Variants in PDE3B observed in about 807,000 individuals in gnomAD.
PDE3B encodes phosphodiesterase 3B.
Under a neutral mutation model 116.8 loss-of-function variants are expected in PDE3B, and 66 were observed. The ratio of observed to expected loss-of-function variants is 0.56; its 90% CI spans 0.46 to 0.69. The LOEUF is 0.69. Ranked by LOEUF, PDE3B falls within the 30% of genes least tolerant of loss-of-function variation. PDE3B has a pLI of 0.00. For synonymous variants in PDE3B, 595 were observed against 533.6 expected, an observed-to-expected ratio of 1.12 and a Z score of -1.59; for missense variants, 1,384 against 1,368.1, an observed-to-expected ratio of 1.01 and a Z score of -0.18.
At chr11:14,878,124 A>G in the PDE3B span, 3 of 1,612,954 alleles carry the variant, frequency 1.9e-6, no homozygotes, top group East Asian at 2.2e-5. Flanking sequence ...AGGCAGTTTC[A>G]GCGTCTTTCA....
chr11:14,768,277 A>G (rs1260999218), intron 1 of PDE3B, among the ~76,000 whole-genome samples: 1 of 151,574 alleles, frequency 6.6e-6, no homozygotes, highest in Non-Finnish European at 1.5e-5. Context: ...GACACCATCA[A>G]CCCACCATTA....
the PDE3B span, among the ~76,000 whole-genome samples, chr11:14,882,679 C>A: frequency 1.3e-5 from 2 of 152,054 alleles, no homozygotes; most frequent in African/African-American, 2.4e-5. Context: ...GAAGTTCTGG[C>A]CAGGGCAATT....
At chr11:14,805,768 A>G (rs1858898267) in intron 5 of PDE3B, among the ~76,000 whole-genome samples, 1 of 152,190 alleles carries the variant, frequency 6.6e-6, no homozygotes, top group African/African-American at 2.4e-5. Context: ...AACCAAAAGC[A>G]CTGGTAAGGC....
intron 1 of PDE3B, among the ~76,000 whole-genome samples, chr11:14,650,432 C>T (rs528837681): frequency 6.6e-6 from 1 of 152,262 alleles, no homozygotes; most frequent in African/African-American, 2.4e-5. Flanking sequence ...GTCTCAAACT[C>T]CTGGGCTCTA....
At chr11:14,780,972 T>C (rs141138479) in intron 2 of PDE3B, among the ~76,000 whole-genome samples, 3,120 of 152,166 alleles carry the variant, frequency 0.021, 52 homozygotes, top group Middle Eastern at 0.065. Context: ...TGAAAAATGA[T>C]AAAGGGGATA....
Position 14,835,103 on chromosome 11 carries a change from C to T in PDE3B, c.2320+8C>T. On this transcript the variant is annotated splice_region_variant and intron_variant, in intron 11 of 15. Transcript: ENST00000282096. The stretch of plus-strand genomic sequence containing the variant: ...GAACAGGAAATGAAACAGGTACTTC[C>T]TTCTACAAATCTCTTAATTATTTTG... 1.3e-6 allele frequency: 2 copies of T among 1,497,854 alleles called. No homozygotes were observed. Among genetic ancestry groups the T allele is most frequent in the South Asian group, 1.2e-5 (1 of 86,094 alleles). The allele number at this position is 1,497,854 out of a possible 1,614,324, so 92.8% of individuals were successfully genotyped here. A position where few individuals can be genotyped will look rare whatever the true frequency, so the allele number is the denominator to read the frequency against.
At chr11:14,653,458 G>C (rs996817963) in intron 1 of PDE3B, among the ~76,000 whole-genome samples, 1 of 151,886 alleles carries the variant, frequency 6.6e-6, no homozygotes, top group Non-Finnish European at 1.5e-5. Context: ...ATCCGCCCTC[G>C]GGAGGCTGAG....
At chr11:14,645,539 G>A (rs1304275390) in intron 1 of PDE3B, among the ~76,000 whole-genome samples, 2 of 152,152 alleles carry the variant, frequency 1.3e-5, no homozygotes, top group African/African-American at 4.8e-5. Context: ...ATTGAAAATC[G>A]AGAGGAAAAA....
chr11:14,727,605 G>A lies in PDE3B; in HGVS notation c.979-44332G>A, dbSNP rs573202454. Among the ~76,000 whole-genome samples the A allele has an allele frequency of 1.2e-3, 178 of 152,132 alleles. 1 individual carries two copies. Among genetic ancestry groups the A allele is most frequent in the Middle Eastern group, 6.8e-3 (2 of 294 alleles). The stretch of plus-strand genomic sequence containing the variant: ...TTCTCCACTTTTATATCTGTTATGT[G>A]AATTTATGTCTTAGACTGGATTATT... On this transcript the variant is annotated intron_variant, in intron 1 of 15. Transcript: ENST00000282096.
chr11:14,653,411 G>A (rs1213339618), intron 1 of PDE3B, among the ~76,000 whole-genome samples: 1 of 152,026 alleles, frequency 6.6e-6, no homozygotes, highest in East Asian at 1.9e-4. Context: ...AAGGCACTAT[G>A]AATAAGAACC....
Position 14,644,951 on chromosome 11 carries a change from G to GAGGA in PDE3B, c.877_880dup (p.Arg294LysfsTer47), listed in dbSNP as rs1244312761. 6.2e-7 allele frequency: 1 copy of GAGGA among 1,614,102 alleles called. No homozygotes were observed. The highest frequency in any genetic ancestry group is 1.1e-5 in the South Asian group (1 of 91,084). On this transcript the variant is annotated frameshift_variant, in exon 1 of 16. Transcript: ENST00000282096. LOFTEE classifies it high-confidence loss of function. ...AAAAAGTGCCTGTGATCCGACCCCG[G>GAGGA]AGGAGGTCCAGCTGCGTGTCGTTAG... is the stretch of plus-strand genomic sequence containing the variant.
rs113098804 is a variant in PDE3B at position 14,834,861 on chromosome 11, T to C, written c.2207-121T>C. On this transcript the variant is annotated intron_variant, in intron 10 of 15. Transcript: ENST00000282096. Reference sequence around the variant, plus strand: ...CAAGAGACTTTAGATGAAATAAAATTCAATTGTGGGGAATTAGTCTGTCAC... The same window carrying C: ...CAAGAGACTTTAGATGAAATAAAATCCAATTGTGGGGAATTAGTCTGTCAC... 533 of 498,188 alleles carry C rather than the reference T, an allele frequency of 1.1e-3. 1 individual carries two copies. The highest frequency in any genetic ancestry group is 9.2e-3 in the African/African-American group (474 of 51,554). 30.9% of individuals were successfully genotyped at this position (498,188 alleles called of 1,614,324 possible).
the PDE3B span, chr11:14,878,065 C>A: frequency 6.3e-7 from 1 of 1,580,892 alleles, no homozygotes; most frequent in Non-Finnish European, 8.6e-7. Flanking sequence ...TTGATTAAAC[C>A]AAGTTCAGGG....
intron 1 of PDE3B, among the ~76,000 whole-genome samples, chr11:14,764,434 A>G (rs761028572): frequency 3.3e-5 from 5 of 152,124 alleles, no homozygotes; most frequent in Non-Finnish European, 4.4e-5. Context: ...CAGTAGAATC[A>G]CTAAGCCTCA....
At chr11:14,654,898 A>G (rs763156186) in intron 1 of PDE3B, among the ~76,000 whole-genome samples, 1 of 151,898 alleles carries the variant, frequency 6.6e-6, no homozygotes, top group Non-Finnish European at 1.5e-5. Context: ...AGAGGTGACA[A>G]AAGAATTGAG....
intron 7 of PDE3B, among the ~76,000 whole-genome samples, chr11:14,826,009 C>A (rs1380903361): frequency 6.6e-6 from 1 of 152,138 alleles, no homozygotes; most frequent in African/African-American, 2.4e-5. Flanking sequence ...ACAACTGGCT[C>A]CTGAATGACT....
intron 4 of PDE3B, among the ~76,000 whole-genome samples, chr11:14,790,175 A>G (rs922056686): frequency 6.6e-6 from 1 of 151,994 alleles, no homozygotes; most frequent in African/African-American, 2.4e-5. Context: ...ATTAATTTGA[A>G]TCTTGTATAA....
chr11:14,897,204 G>A, the PDE3B span, among the ~76,000 whole-genome samples: 1 of 152,148 alleles, frequency 6.6e-6, no homozygotes, highest in Admixed American at 6.5e-5. Flanking sequence ...ATTTTTGAAA[G>A]ATTTGGCTAC....
intron 1 of PDE3B, among the ~76,000 whole-genome samples, chr11:14,693,915 A>G (rs763324456): frequency 4.6e-5 from 7 of 152,168 alleles, no homozygotes; most frequent in Non-Finnish European, 8.8e-5. Flanking sequence ...AGGATTGACC[A>G]TTCTAGATGC....
Sources: allele counts gnomAD v4.1 joint callset (sites outside exome capture counted in the v4.1 genomes callset), GRCh38; gene constraint gnomAD v4.1.1; transcripts MANE v1.5; gene names NCBI Gene and HGNC (gene_info 2026-07-23, HGNC 2026-07-21).